KLC1: variants seen among roughly 807,000 people sequenced by gnomAD.
KLC1 encodes the protein kinesin light chain 1, also known as kinesin 2 60/70kDa.
Under a neutral mutation model 84.2 loss-of-function variants are expected in KLC1, and 30 were observed. That is an observed-to-expected ratio of 0.36 (90% CI 0.27 to 0.48). The LOEUF (loss-of-function observed/expected upper bound fraction) is 0.48. Ranked by LOEUF, KLC1 falls within the 20% of genes least tolerant of loss-of-function variation. The probability of loss-of-function intolerance (pLI) is 0.99; values close to 1 mark genes in which losing one functional copy is unlikely to be tolerated. For synonymous variants in KLC1, 289 were observed against 293.3 expected, an observed-to-expected ratio of 0.99 and a Z score of 0.15; for missense variants, 499 against 805.4, an observed-to-expected ratio of 0.62 and a Z score of 4.60.
Position 103,693,989 on chromosome 14 carries a change from T to C in KLC1, c.1848+1564T>C. The stretch of plus-strand genomic sequence containing the variant: ...CCAGACTCTCTTTTAAATTGTAATA[T>C]TGTAATAAGGCTGTAAATTAAGAAT... On this transcript the variant is annotated intron_variant, in intron 15 of 16. Transcript: ENST00000334553. This position sits in a 1 kb window ranked among gnomAD's most constrained non-coding sequence, Gnocchi z 5.1. 9.2e-7 allele frequency: 1 copy of C among 1,089,622 alleles called. No individual in the cohort carries two copies. Among genetic ancestry groups the C allele is most frequent in the Non-Finnish European group, 1.1e-6 (1 of 895,278 alleles). 67.5% of individuals were successfully genotyped at this position (1,089,622 alleles called of 1,614,324 possible). A position where few individuals can be genotyped will look rare whatever the true frequency, so the allele number is the denominator to read the frequency against.
chr14:103,647,398 AT>A (rs565980148), intron 1 of KLC1, among the ~76,000 whole-genome samples: 45 of 142,740 alleles, frequency 3.2e-4, no homozygotes, highest in Admixed American at 4.9e-4. Context: ...TAATTTTTGT[AT>A]TTTTTTTTTT....
chr14:103,639,548 T>A (rs998063922), intron 1 of KLC1, among the ~76,000 whole-genome samples: 2 of 151,832 alleles, frequency 1.3e-5, no homozygotes, highest in Non-Finnish European at 2.9e-5. Context: ...GCTCAAACAA[T>A]CCTCCCACCT....
intron 13 of KLC1, 52 bp downstream of exon 13, chr14:103,679,597 G>A (rs1386278927): frequency 1.4e-6 from 2 of 1,398,856 alleles, no homozygotes; most frequent in Non-Finnish European, 2.0e-6. Context: ...CCCAAGTGGC[G>A]CTTGCCAGGC....
chr14:103,649,041 G>T (rs2151435445), intron 1 of KLC1, among the ~76,000 whole-genome samples: 1 of 152,278 alleles, frequency 6.6e-6, no homozygotes, highest in East Asian at 1.9e-4. Flanking sequence ...GGAGGCTGAT[G>T]TGGGAGGATC....
intron 1 of KLC1, among the ~76,000 whole-genome samples, chr14:103,642,768 G>GC (rs2077589536): frequency 1.3e-5 from 2 of 150,712 alleles, no homozygotes; most frequent in African/African-American, 2.4e-5. Context: ...TTGGTTTTTT[G>GC]GTTTTTTTTT....
chr14:103,675,257 G>C (rs561270065), intron 9 of KLC1, among the ~76,000 whole-genome samples: 1 of 152,242 alleles, frequency 6.6e-6, no homozygotes, highest in South Asian at 2.1e-4. Context: ...CCCAGGAGCT[G>C]GAGGTTGCAG....
chr14:103,641,524 A>G (rs960193853), intron 1 of KLC1, among the ~76,000 whole-genome samples: 1 of 152,164 alleles, frequency 6.6e-6, no homozygotes, highest in Non-Finnish European at 1.5e-5. Context: ...TTCTGGTTGC[A>G]TGCTACCGAC....
chr14:103,699,013 A>T (rs1345696802), intron 15 of KLC1: 2 of 1,584,678 alleles, frequency 1.3e-6, no homozygotes, highest in Non-Finnish European at 1.7e-6. Context: ...CGTTCGTCCC[A>T]GAACCTGAGA....
chr14:103,685,725 G>A, intron 13 of KLC1: 1 of 1,289,274 alleles, frequency 7.8e-7, no homozygotes, highest in Non-Finnish European at 1.0e-6. Context: ...GCTGCCCGCT[G>A]TGTCTAGCAG....
intron 1 of KLC1, among the ~76,000 whole-genome samples, chr14:103,651,979 G>T (rs183677524): frequency 6.6e-6 from 1 of 152,206 alleles, no homozygotes; most frequent in African/African-American, 2.4e-5. Context: ...CTTGTCTTCT[G>T]CTAGCTTGCA....
chr14:103,676,228 G>A (rs1178457969), intron 11 of KLC1, among the ~76,000 whole-genome samples: 2 of 152,134 alleles, frequency 1.3e-5, no homozygotes, highest in African/African-American at 4.8e-5. Context: ...GATGGCTGCT[G>A]TCCCTGGGTC....
chr14:103,651,380 T>C (rs2078429195), intron 1 of KLC1, among the ~76,000 whole-genome samples: 1 of 145,608 alleles, frequency 6.9e-6, no homozygotes, highest in Non-Finnish European at 1.5e-5. Flanking sequence ...TGTATTTCCT[T>C]CTAGTTTCTT....
chr14:103,669,432 T>TAA, intron 5 of KLC1, 79 bp from the exon 6 acceptor site: 2 of 824,388 alleles, frequency 2.4e-6, no homozygotes, highest in Non-Finnish European at 2.0e-6. Flanking sequence ...AGACTCTGTC[T>TAA]AAAAAAAAAG....
intron 13 of KLC1, chr14:103,682,750 T>A (rs925191789): frequency 6.7e-6 from 1 of 148,462 alleles, no homozygotes; most frequent in Non-Finnish European, 1.5e-5. Context: ...GTGATTTCAA[T>A]TATATATATA....
In KLC1 at chr14:103,700,747, GC is replaced by G; in HGVS notation, c.*1+24del. 6.5e-7 allele frequency: 1 copy of G among 1,546,998 alleles called. No individual in the cohort carries two copies. ...GCTAACGTGAGTCCCACGGCCTGCA[GC>G]CCCAGGAAGCAGGCAGCTGGGCCAG... On this transcript the variant is annotated intron_variant, in intron 16 of 16. Transcript: ENST00000334553.
chr14:103,657,853 C>A, intron 3 of KLC1, 77 bp downstream of exon 3: 1 of 1,069,426 alleles, frequency 9.4e-7, no homozygotes, highest in South Asian at 1.4e-5. Flanking sequence ...TTCTGTTTGC[C>A]ATATTCTTTT....
chr14:103,669,617 T>C lies in KLC1; in HGVS notation c.885+19T>C, dbSNP rs1392018826. On this transcript the variant is annotated intron_variant, in intron 6 of 16. Transcript: ENST00000334553. ...TCCTGCGGTTTGTATATCCAGTTCT[T>C]TCATTCTTTTAATATTTTATTTTCC... 1 of 1,462,460 alleles carries C rather than the reference T, an allele frequency of 6.8e-7. No individual in the cohort carries two copies. The highest frequency in any genetic ancestry group is 2.3e-5 in the East Asian group (1 of 44,148). The allele number at this position is 1,462,460 out of a possible 1,614,324, so 90.6% of individuals were successfully genotyped here.
chr14:103,642,505 AC>A (rs763528421), intron 1 of KLC1, among the ~76,000 whole-genome samples: 120 of 152,330 alleles, frequency 7.9e-4, no homozygotes, highest in Non-Finnish European at 1.3e-3. Flanking sequence ...GAGAAAGACT[AC>A]TGGCTCCCAG....
chr14:103,630,949 A>G (rs1022990800), intron 1 of KLC1, among the ~76,000 whole-genome samples: 1 of 152,202 alleles, frequency 6.6e-6, no homozygotes, highest in Non-Finnish European at 1.5e-5. Context: ...ATTGTCTTAG[A>G]GAAAAGCATC....
Sources: allele counts gnomAD v4.1 joint callset (sites outside exome capture counted in the v4.1 genomes callset), GRCh38; gene constraint gnomAD v4.1.1; non-coding constraint Gnocchi (gnomAD v3.1); transcripts MANE v1.5; gene names NCBI Gene and HGNC (gene_info 2026-07-23, HGNC 2026-07-21).